SP100: variants seen among roughly 807,000 people sequenced by gnomAD.
The protein encoded by SP100 is nuclear autoantigen Sp-100.
Under a neutral mutation model 130.0 loss-of-function variants are expected in SP100, and 84 were observed. The ratio of observed to expected loss-of-function variants is 0.65; its 90% confidence interval spans 0.54 to 0.77. The LOEUF (loss-of-function observed/expected upper bound fraction) is 0.77. Among genes scored for constraint, SP100 ranks in the 30% least tolerant of loss-of-function variants. SP100 has a pLI of 0.00. For synonymous variants in SP100, 331 were observed against 351.7 expected (o/e 0.94, Z 0.66); for missense variants, 978 against 1,052.2 (o/e 0.93, Z 0.97).
intron 15 of SP100, among the ~76,000 whole-genome samples, chr2:230,472,164 C>T (rs2065293270): frequency 6.6e-6 from 1 of 152,128 alleles, no homozygotes; most frequent in Non-Finnish European, 1.5e-5. Flanking sequence ...CGCAGTGACT[C>T]ATGCCTGTAA....
At chr2:230,462,106 G>A (rs892202563) in intron 9 of SP100, among the ~76,000 whole-genome samples, 3 of 151,888 alleles carry the variant, frequency 2.0e-5, no homozygotes, top group Admixed American at 6.6e-5. Context: ...AGACACCATC[G>A]CTGGAAACAG....
rs375573773 is a variant in SP100, at chr2:230,487,941, G to A, written c.1601-6475G>A. On this transcript the variant is annotated intron_variant, in intron 17 of 28. Transcript: ENST00000340126. Reference sequence around the variant, plus strand: ...TATTCCTAGGTATTTTATTATCTTTGTAGTGAGTGTGAATGGGAGTTCATT... The same window carrying A: ...TATTCCTAGGTATTTTATTATCTTTATAGTGAGTGTGAATGGGAGTTCATT... 3.3e-5 allele frequency among the ~76,000 whole-genome samples: 5 copies of A among 152,236 alleles called. No homozygotes were observed. In the East Asian group the frequency reaches 7.7e-4, roughly 24 times the overall value.
chr2:230,466,566 A>G (rs562061796), intron 12 of SP100, among the ~76,000 whole-genome samples: 1 of 152,344 alleles, frequency 6.6e-6, no homozygotes, highest in South Asian at 2.1e-4. Context: ...CAAAGAAGTC[A>G]ATGACCCCAA....
At chr2:230,465,402 A>C (rs2064891229) in intron 11 of SP100, among the ~76,000 whole-genome samples, 1 of 152,226 alleles carries the variant, frequency 6.6e-6, no homozygotes, top group Non-Finnish European at 1.5e-5. Flanking sequence ...CTGTCTCAAA[A>C]AAAATAAGTA....
At chr2:230,511,969 T>G (rs1046721378) in intron 24 of SP100, among the ~76,000 whole-genome samples, 8 of 152,272 alleles carry the variant, frequency 5.3e-5, no homozygotes, top group East Asian at 1.9e-4. Context: ...TGGGCTTAAG[T>G]GATCCTCCCA....
At chr2:230,515,678 A>G in intron 24 of SP100, 1 of 1,570,250 alleles carries the variant, frequency 6.4e-7, no homozygotes, top group Non-Finnish European at 8.6e-7. Flanking sequence ...TCTATAAAGC[A>G]TTTAAGCTGC....
chr2:230,473,582 C>T, intron 16 of SP100, 142 bp downstream of exon 16: 2 of 544,092 alleles, frequency 3.7e-6, no homozygotes, highest in South Asian at 5.8e-5. Flanking sequence ...CCACAGGCCC[C>T]AAGCTTCAGA....
chr2:230,497,774 T>C (rs545256255), intron 18 of SP100, among the ~76,000 whole-genome samples: 8 of 152,200 alleles, frequency 5.3e-5, no homozygotes, highest in Non-Finnish European at 1.0e-4. Flanking sequence ...TTCTGGGACT[T>C]GAATCTCTAT....
chr2:230,470,151 A>C, intron 15 of SP100, 53 bp downstream of exon 15: 1 of 1,561,502 alleles, frequency 6.4e-7, no homozygotes, highest in Non-Finnish European at 8.7e-7. Flanking sequence ...AGGAATGTGA[A>C]TTAAAAGCTG....
intron 2 of SP100, among the ~76,000 whole-genome samples, chr2:230,423,021 A>T (rs1272261733): frequency 1.3e-5 from 2 of 152,252 alleles, no homozygotes; most frequent in Non-Finnish European, 2.9e-5. Flanking sequence ...GAATATATTT[A>T]TATATATGCA....
chr2:230,436,836 C>T (rs2063283199), intron 2 of SP100, among the ~76,000 whole-genome samples: 1 of 101,670 alleles, frequency 9.8e-6, no homozygotes, highest in Non-Finnish European at 2.2e-5. Context: ...TTAGCTAAAG[C>T]TTCTAAAATA....
chr2:230,524,900 G>A (rs58224380), intron 24 of SP100, among the ~76,000 whole-genome samples: 3,393 of 152,276 alleles, frequency 0.022, 126 homozygotes, highest in African/African-American at 0.077. Flanking sequence ...AATGTGCCAA[G>A]AAGATGTGTT....
At chr2:230,503,263 C>A (rs979755644) in intron 20 of SP100, among the ~76,000 whole-genome samples, 153 bp downstream of exon 20, 17 of 152,290 alleles carry the variant, frequency 1.1e-4, no homozygotes, top group African/African-American at 4.1e-4. Flanking sequence ...ACCCTCAATA[C>A]CTGCTTCAGT....
chr2:230,424,618 G>T (rs1234470737), intron 2 of SP100, among the ~76,000 whole-genome samples: 17 of 147,418 alleles, frequency 1.2e-4, no homozygotes, highest in Non-Finnish European at 1.0e-4. Context: ...GTAGTGAGCC[G>T]ATATCGCACC....
intron 2 of SP100, among the ~76,000 whole-genome samples, chr2:230,438,170 G>A (rs555717673): frequency 4.0e-4 from 61 of 151,754 alleles, no homozygotes; most frequent in Non-Finnish European, 2.8e-4. Context: ...AGTCAATATC[G>A]ATATCATCAA....
In SP100 at chr2:230,502,999, G is replaced by A. The variant is rs1575761792; in HGVS notation, c.1721-67G>A. On this transcript the variant is annotated intron_variant, in intron 19 of 28. Transcript: ENST00000340126. ...GATCCTGAAAAGTTGCATTTGAATG[G>A]TGGTTTTGTAAAACACTACTATTTG... 3.3e-6 allele frequency: 4 copies of A among 1,213,278 alleles called. No homozygotes were observed. The East Asian group carries it at 7.1e-5, about 22-fold the overall frequency. The allele number at this position is 1,213,278 out of a possible 1,614,324, so 75.2% of individuals were successfully genotyped here.
At chr2:230,483,731 G>C (rs1236919704) in intron 17 of SP100, among the ~76,000 whole-genome samples, 1 of 151,906 alleles carries the variant, frequency 6.6e-6, no homozygotes, top group Non-Finnish European at 1.5e-5. Context: ...GATACGTGTG[G>C]GTATGTATTC....
At chr2:230,535,906 C>CACAAAAAAAAA (rs1691916698) in intron 24 of SP100, among the ~76,000 whole-genome samples, 1 of 47,572 alleles carries the variant, frequency 2.1e-5, no homozygotes, top group African/African-American at 1.1e-4. Context: ...GACTCCATCT[C>CACAAAAAAAAA]AAAAAAAAAA....
intron 2 of SP100, among the ~76,000 whole-genome samples, chr2:230,438,648 TACACACACACACACAC>T (rs796889943): frequency 1.6e-5 from 2 of 127,402 alleles, no homozygotes; most frequent in Non-Finnish European, 3.3e-5. Context: ...TGTATATATA[TACACACACACACACAC>T]ACACACACAC....
Sources: gnomAD v4.1 joint callset for allele counts (sites outside exome capture counted in the v4.1 genomes callset) on GRCh38, gnomAD v4.1.1 for gene constraint, MANE v1.5 for transcripts, NCBI Gene and HGNC (gene_info 2026-07-23, HGNC 2026-07-21) for gene names.